TGM5: variants seen among roughly 807,000 people sequenced by gnomAD.
TGM5 encodes the protein transglutaminase 5.
Under a neutral mutation model 77.2 loss-of-function variants are expected in TGM5, and 69 were observed. The ratio of observed to expected loss-of-function variants is 0.89; its 90% confidence interval spans 0.74 to 1.09. TGM5 has a LOEUF of 1.09. Among genes scored for constraint, TGM5 ranks in the 50% least tolerant of loss-of-function variants. The pLI is 0.00. For synonymous variants in TGM5, 346 were observed against 351.8 expected (o/e 0.98, Z 0.18); for missense variants, 842 against 896.5 (o/e 0.94, Z 0.78).
intron 10 of TGM5, 123 bp downstream of exon 10, chr15:43,235,346 G>T: frequency 7.4e-7 from 1 of 1,352,848 alleles, no homozygotes; most frequent in Non-Finnish European, 1.0e-6. Flanking sequence ...GGGGAATCGT[G>T]CCAGAGGGGA....
intron 1 of TGM5, among the ~76,000 whole-genome samples, chr15:43,265,220 G>C (rs1477270009): frequency 2.6e-5 from 4 of 152,328 alleles, no homozygotes; most frequent in South Asian, 2.1e-4. Flanking sequence ...GGTTAAACCA[G>C]GATTCCTGAG....
chr15:43,233,741 A>G (rs942430841), intron 11 of TGM5, 54 bp from the exon 12 acceptor site: 1 of 1,603,968 alleles, frequency 6.2e-7, no homozygotes, highest in Non-Finnish European at 8.5e-7. Context: ...AACTCACCAG[A>G]TATTTACGAA....
At chr15:43,243,074 G>T (rs560015856) in intron 6 of TGM5, among the ~76,000 whole-genome samples, 29 of 152,258 alleles carry the variant, frequency 1.9e-4, no homozygotes, top group African/African-American at 6.7e-4. Context: ...AACATGACTC[G>T]ATGGGCACTT....
chr15:43,233,357 ATG>A lies in TGM5; in HGVS notation c.2010-15_2010-14del, dbSNP rs1237892710. ...GAGGACTCCAAGGCTGCAACAGAGA[ATG>A]GAGCATGTCAGAAAACCAAAAGCAT... On this transcript the variant is annotated splice_polypyrimidine_tract_variant and intron_variant, in intron 12 of 12. Coordinates refer to ENST00000220420, the MANE Select transcript of TGM5 (RefSeq NM_201631.4). 6.2e-7 allele frequency: 1 copy of A among 1,613,330 alleles called. No homozygotes were observed. Among genetic ancestry groups the A allele is most frequent in the Admixed American group, 1.7e-5 (1 of 60,008 alleles).
At chr15:43,251,321 C>G (rs924156171) in intron 6 of TGM5, among the ~76,000 whole-genome samples, 2 of 152,136 alleles carry the variant, frequency 1.3e-5, no homozygotes, top group African/African-American at 4.8e-5. Flanking sequence ...AAGTCACTCT[C>G]TCTCGGTGGC....
chr15:43,239,548 C>T (rs915673266), intron 7 of TGM5: 9 of 474,670 alleles, frequency 1.9e-5, no homozygotes, highest in Admixed American at 1.0e-4. Flanking sequence ...GGCATCATGG[C>T]ACATGCCTAT....
chr15:43,236,254 A>C (rs933879166), intron 9 of TGM5, among the ~76,000 whole-genome samples: 1 of 152,170 alleles, frequency 6.6e-6, no homozygotes, highest in Admixed American at 6.5e-5. Context: ...AAGGCCCACA[A>C]ATGCAGAGAA....
intron 6 of TGM5, chr15:43,241,191 G>A: frequency 1.4e-6 from 1 of 691,772 alleles, no homozygotes. Flanking sequence ...CTAGGCAAAG[G>A]TGGGGATGCT....
rs141830093 is a variant in TGM5, at chr15:43,238,987, G to A, written c.1175C>T (p.Thr392Met). The change falls in exon 9 of 13, where the codon ACG becomes ATG. Residue 392 changes from threonine (T) to methionine (M), a missense_variant. Physicochemically the swap from Thr to Met is moderately conservative, Grantham distance 81 (BLOSUM62 -1). Coordinates refer to ENST00000220420, the MANE Select transcript of TGM5 (RefSeq NM_201631.4). ...KEGEVDLNYD[T>M]PFVFSMVNAD... Reference sequence around the variant, plus strand: ...ATTCACCATCGAAAACACAAAGGGCGTGTCATAGTTCAGGTCCACTTCTCC... The same window carrying A: ...ATTCACCATCGAAAACACAAAGGGCATGTCATAGTTCAGGTCCACTTCTCC... 155 of 1,614,164 alleles carry A rather than the reference G, an allele frequency of 9.6e-5. 3 individuals are homozygous for A. Among genetic ancestry groups the A allele is most frequent in the South Asian group, 8.0e-4 (73 of 91,082 alleles).
At chr15:43,243,773 C>T (rs2042654367) in intron 6 of TGM5, among the ~76,000 whole-genome samples, 1 of 152,204 alleles carries the variant, frequency 6.6e-6, no homozygotes, top group Non-Finnish European at 1.5e-5. Context: ...ACATCCCTTA[C>T]TGAACTTATT....
intron 3 of TGM5, 84 bp downstream of exon 3, chr15:43,259,968 C>G (rs1229015616): frequency 1.2e-6 from 2 of 1,601,460 alleles, no homozygotes; most frequent in Non-Finnish European, 1.7e-6. Flanking sequence ...GGCCCGGGAG[C>G]GGGGTCTAGA....
At chr15:43,253,006 T>A in intron 5 of TGM5, 70 bp from the exon 6 acceptor site, 1 of 1,538,962 alleles carries the variant, frequency 6.5e-7, no homozygotes, top group Non-Finnish European at 8.9e-7. Context: ...TGGGCTGCCT[T>A]GGAAGACCCA....
At chr15:43,257,278 A>G (rs906428962) in intron 3 of TGM5, among the ~76,000 whole-genome samples, 1 of 152,208 alleles carries the variant, frequency 6.6e-6, no homozygotes, top group Non-Finnish European at 1.5e-5. Flanking sequence ...GCTTCAATAC[A>G]TCTCCACCAT....
intron 9 of TGM5, among the ~76,000 whole-genome samples, chr15:43,236,252 C>T (rs755332072): frequency 6.6e-6 from 1 of 152,116 alleles, no homozygotes; most frequent in Non-Finnish European, 1.5e-5. Context: ...TGAAGGCCCA[C>T]AAATGCAGAG....
At chr15:43,259,980 A>G in intron 3 of TGM5, 72 bp downstream of exon 3, 4 of 1,609,156 alleles carry the variant, frequency 2.5e-6, no homozygotes, top group Admixed American at 1.7e-5. Context: ...GGGTCTAGAA[A>G]CCCTTGAGCC....
At chr15:43,242,771 G>A (rs979554693) in intron 6 of TGM5, among the ~76,000 whole-genome samples, 1 of 152,222 alleles carries the variant, frequency 6.6e-6, no homozygotes, top group African/African-American at 2.4e-5. Flanking sequence ...GAGCTGACAA[G>A]TGGGTTGTAG....
At chr15:43,235,080 G>T (rs1035974541) in intron 10 of TGM5, 151 bp from the exon 11 acceptor site, 2 of 973,582 alleles carry the variant, frequency 2.1e-6, no homozygotes, top group Non-Finnish European at 1.5e-6. Flanking sequence ...GAGGAAATGA[G>T]CTGAAAAGAG....
intron 6 of TGM5, among the ~76,000 whole-genome samples, chr15:43,245,820 C>T (rs1438193971): frequency 6.7e-6 from 1 of 149,710 alleles, no homozygotes; most frequent in Non-Finnish European, 1.5e-5. Flanking sequence ...GAAGATGGCA[C>T]TGGGCAGTTG....
At chr15:43,266,486 G>C (rs984557548) in intron 1 of TGM5, among the ~76,000 whole-genome samples, 1 of 152,190 alleles carries the variant, frequency 6.6e-6, no homozygotes, top group Non-Finnish European at 1.5e-5. Context: ...TTCAGGCAAG[G>C]GGGTTGGAAA....
Sources: allele counts gnomAD v4.1 joint callset (sites outside exome capture counted in the v4.1 genomes callset), GRCh38; gene constraint gnomAD v4.1.1; transcripts MANE v1.5; gene names NCBI Gene and HGNC (gene_info 2026-07-23, HGNC 2026-07-21).